Variants in RASA3 observed in about 807,000 individuals in gnomAD.
RASA3 encodes the protein ras GTPase-activating protein 3.
Under a neutral mutation model 110.0 loss-of-function variants are expected in RASA3, and 73 were observed. The ratio of observed to expected loss-of-function variants is 0.66; its 90% CI spans 0.55 to 0.81. The LOEUF is 0.81. Ranked by LOEUF, RASA3 falls within the 30% of genes least tolerant of loss-of-function variation. The pLI, the probability that RASA3 is intolerant of heterozygous loss-of-function variation, is 0.00. For synonymous variants in RASA3, 500 were observed against 451.4 expected (o/e 1.11, Z -1.37); for missense variants, 976 against 1,113.2 (o/e 0.88, Z 1.75).
chr13:114,034,380 G>C lies in RASA3; in HGVS notation c.373-4493C>G, dbSNP rs72659545. ...TTCAGGAAGAGTCACGACTGCATGT[G>C]GGGGGTCCTGGTCCCCAGCAGCAGG... On this transcript the variant is annotated intron_variant, in intron 4 of 23. Transcript: ENST00000334062. Among the ~76,000 whole-genome samples, 12 of 152,242 alleles carry C rather than the reference G, an allele frequency of 7.9e-5. No homozygotes were observed. The South Asian group carries it at 2.5e-3, about 32-fold the overall frequency.
chr13:114,047,067 T>C (rs1214219232), intron 3 of RASA3, among the ~76,000 whole-genome samples: 3 of 152,120 alleles, frequency 2.0e-5, no homozygotes, highest in African/African-American at 7.2e-5. Context: ...AAAAATGTGA[T>C]AAACTGGACC....
chr13:113,980,603 CTGA>C, intron 23 of RASA3, among the ~76,000 whole-genome samples: 1 of 152,264 alleles, frequency 6.6e-6, no homozygotes, highest in Non-Finnish European at 1.5e-5. Context: ...GATGGACCTG[CTGA>C]TATCAACGAG....
intron 3 of RASA3, among the ~76,000 whole-genome samples, chr13:114,042,549 G>T (rs2054434270): frequency 6.6e-6 from 1 of 152,240 alleles, no homozygotes; most frequent in African/African-American, 2.4e-5. Flanking sequence ...CGCAGACCCG[G>T]TTCACCGCAG....
intron 1 of RASA3, among the ~76,000 whole-genome samples, chr13:114,127,065 T>C (rs2080460433): frequency 6.6e-6 from 1 of 152,202 alleles, no homozygotes; most frequent in African/African-American, 2.4e-5. Flanking sequence ...GTCCACCTCC[T>C]TTCTAAACAC....
chr13:114,012,089 T>C (rs1232592446), intron 15 of RASA3, among the ~76,000 whole-genome samples: 2 of 151,942 alleles, frequency 1.3e-5, no homozygotes, highest in African/African-American at 4.8e-5. Flanking sequence ...CAGTGCTAAA[T>C]AGGAATCTGT....
Position 114,011,219 on chromosome 13 carries a change from C to A in RASA3, c.1542G>T (p.Leu514Phe). ...TDPQTSRTLTLISKTVQTLGS... is the reference protein window; with the variant it reads ...TDPQTSRTLTFISKTVQTLGS... ...CGAGGGTCTGAACGGTCTTGGAGAT[C>A]AATGTCAGCGTCCTGGACGTCTGGG... The change falls in exon 16 of 24, where the codon TTG (leucine) becomes TTT (phenylalanine). Residue 514 changes from leucine to phenylalanine, a missense_variant. By Grantham distance (22) the Leu-to-Phe change is conservative. Transcript: ENST00000334062. This position sits in a 1 kb window ranked among gnomAD's most constrained non-coding sequence, Gnocchi z 4.8. 1.9e-6 allele frequency: 3 copies of A among 1,612,870 alleles called. No individual in the cohort carries two copies. The highest frequency in any genetic ancestry group is 3.3e-4 in the Middle Eastern group (2 of 6,054).
intron 1 of RASA3, among the ~76,000 whole-genome samples, chr13:114,113,056 G>C (rs1364170789): frequency 6.6e-6 from 1 of 152,170 alleles, no homozygotes; most frequent in Admixed American, 6.5e-5. Context: ...AGCCTTTCCC[G>C]ACTTGGGGGC....
chr13:114,095,482 A>G (rs1373738692), intron 1 of RASA3, among the ~76,000 whole-genome samples: 4 of 152,172 alleles, frequency 2.6e-5, no homozygotes, highest in African/African-American at 7.2e-5. Flanking sequence ...ACAGAAATGG[A>G]ATCACACATG....
intron 1 of RASA3, among the ~76,000 whole-genome samples, chr13:114,126,475 C>T (rs1488941547): frequency 6.6e-6 from 1 of 151,338 alleles, no homozygotes; most frequent in African/African-American, 2.5e-5. Context: ...AGACCCCCTC[C>T]AAGATGACAG....
At chr13:114,078,947 C>A (rs2079736419) in intron 1 of RASA3, among the ~76,000 whole-genome samples, 1 of 152,230 alleles carries the variant, frequency 6.6e-6, no homozygotes. Flanking sequence ...TCTCCACAGA[C>A]CCCACCCAGC....
At chr13:114,020,462 G>A (rs528284907) in intron 9 of RASA3, among the ~76,000 whole-genome samples, 13 of 152,210 alleles carry the variant, frequency 8.5e-5, no homozygotes, top group African/African-American at 2.4e-4. Context: ...TGCCCGTGCC[G>A]TCTTCGTAGA....
chr13:114,112,897 AG>A lies in RASA3; in HGVS notation c.55+19537del, dbSNP rs2080236990. ...TTCAGAGAGTGAATGAGAGGCCAGC[AG>A]GGGGCTGGGAAGGTGCTTAGCTCAG... is the stretch of plus-strand genomic sequence containing the variant. On this transcript the variant is annotated intron_variant, in intron 1 of 23. Coordinates refer to ENST00000334062, the MANE Select transcript of RASA3 (RefSeq NM_007368.4). The surrounding 1 kb of genome is among the most constrained non-coding windows in gnomAD (Gnocchi z 4.8). Among the ~76,000 whole-genome samples, 1 of 152,116 alleles carries A rather than the reference AG, an allele frequency of 6.6e-6. No homozygotes were observed. The highest frequency in any genetic ancestry group is 1.5e-5 in the Non-Finnish European group (1 of 68,008).
chr13:114,040,097 C>T (rs888330768), intron 4 of RASA3, among the ~76,000 whole-genome samples: 8 of 152,262 alleles, frequency 5.3e-5, no homozygotes, highest in African/African-American at 1.4e-4. Context: ...CCTTTCCCAC[C>T]GTGTTTGTTT....
Position 114,018,792 on chromosome 13 carries a change from C to T in RASA3, c.913G>A (p.Asp305Asn), listed in dbSNP as rs749034727. 2.5e-5 allele frequency: 40 copies of T among 1,613,516 alleles called. No individual in the cohort carries two copies. Among genetic ancestry groups the T allele is most frequent in the Non-Finnish European group, 3.4e-5 (40 of 1,179,954 alleles). ...FSSDYYSPLR[D>N]LLLKSADVEP... ...ACATCCGCAGACTTCAACAGCAGGT[C>T]CCGCAGAGGGCTGTAATAGTCAGAA... The change falls in exon 10 of 24, where the codon GAC (aspartate) becomes AAC (asparagine). Residue 305 changes from aspartate to asparagine, a missense_variant. Around this residue, in one of 4 missense-constraint regions of RASA3, gnomAD observed 732 missense variants for 779.7 expected, o/e 0.94. Coordinates refer to ENST00000334062, the MANE Select transcript of RASA3 (RefSeq NM_007368.4).
rs908532213 is a variant in RASA3 at position 114,056,214 on chromosome 13, GTGCGTGTCCAA to G, written c.174-4070_174-4060del. Reference sequence around the variant, plus strand: ...CTGATGTGTGTCCGATGAATGTCCAGTGCGTGTCCAATGCGTGTCTGGTGAGTGGTGAGTGT... The same window carrying G: ...CTGATGTGTGTCCGATGAATGTCCAGTGCGTGTCTGGTGAGTGGTGAGTGT... On this transcript the variant is annotated intron_variant, in intron 2 of 23. Transcript: ENST00000334062. This position sits in a 1 kb window ranked among gnomAD's most constrained non-coding sequence, Gnocchi z 5.7. 2.0e-5 allele frequency among the ~76,000 whole-genome samples: 3 copies of G among 152,206 alleles called. No homozygotes were observed. Among genetic ancestry groups the G allele is most frequent in the African/African-American group, 7.2e-5 (3 of 41,446 alleles).
At chr13:114,075,408 CTG>C (rs1419889262) in intron 1 of RASA3, among the ~76,000 whole-genome samples, 1 of 152,250 alleles carries the variant, frequency 6.6e-6, no homozygotes, top group African/African-American at 2.4e-5. Flanking sequence ...ACCTGAGGCA[CTG>C]TGAGAAGGAG....
intron 1 of RASA3, among the ~76,000 whole-genome samples, chr13:114,078,905 T>A (rs1180733066): frequency 6.6e-6 from 1 of 152,166 alleles, no homozygotes; most frequent in Non-Finnish European, 1.5e-5. Context: ...CACACCCCTG[T>A]ACCCAGGAGG....
chr13:113,996,497 A>G (rs769253917), intron 21 of RASA3, 34 bp downstream of exon 21: 2 of 1,590,164 alleles, frequency 1.3e-6, no homozygotes, highest in Admixed American at 1.7e-5. Context: ...TTTCCTGCAC[A>G]GTGCACGAGC....
chr13:114,062,815 C>T (rs2079383805), intron 2 of RASA3, among the ~76,000 whole-genome samples: 1 of 152,230 alleles, frequency 6.6e-6, no homozygotes, highest in African/African-American at 2.4e-5. Flanking sequence ...AACAGCAGAA[C>T]GGTGCTCAGC....
Sources: allele counts gnomAD v4.1 joint callset (sites outside exome capture counted in the v4.1 genomes callset), GRCh38; gene constraint gnomAD v4.1.1; regional missense constraint gnomAD v4.1.1; non-coding constraint Gnocchi (gnomAD v3.1); transcripts MANE v1.5; gene names NCBI Gene and HGNC (gene_info 2026-07-23, HGNC 2026-07-21).